The following CDH12 variants were observed in gnomAD, a reference collection of about 807,000 sequenced individuals.
CDH12 encodes the protein cadherin 12.
In CDH12, 41 loss-of-function variants were observed where a neutral mutation model predicts 74.1. The ratio of observed to expected loss-of-function variants is 0.55; its 90% CI spans 0.43 to 0.72. The LOEUF (loss-of-function observed/expected upper bound fraction) is 0.72. Ranked by LOEUF, CDH12 falls within the 30% of genes least tolerant of loss-of-function variation. The probability of loss-of-function intolerance (pLI) is 0.00; values close to 1 mark genes in which losing one functional copy is unlikely to be tolerated. For missense variants in CDH12, 945 were observed against 977.2 expected, an observed-to-expected ratio of 0.97 and a Z score of 0.44; for synonymous variants, 399 against 355.0, an observed-to-expected ratio of 1.12 and a Z score of -1.39.
At chr5:22,280,948 G>A (rs1437093091) in intron 3 of CDH12, among the ~76,000 whole-genome samples, 2 of 152,118 alleles carry the variant, frequency 1.3e-5, no homozygotes, top group African/African-American at 4.8e-5. Context: ...CAATATCCCT[G>A]TGGAATATCA....
chr5:22,063,085 C>G (rs1184537525), intron 5 of CDH12, among the ~76,000 whole-genome samples: 1 of 151,986 alleles, frequency 6.6e-6, no homozygotes, highest in Non-Finnish European at 1.5e-5. Flanking sequence ...TTGTTGGATC[C>G]AAATGGTCAT....
chr5:21,860,245 T>C (rs1169473615), intron 6 of CDH12, among the ~76,000 whole-genome samples: 1 of 152,064 alleles, frequency 6.6e-6, no homozygotes, highest in Non-Finnish European at 1.5e-5. Flanking sequence ...TGACACAAGA[T>C]TTATTGATTT....
chr5:22,467,580 G>A (rs890562107), intron 2 of CDH12, among the ~76,000 whole-genome samples: 73 of 152,158 alleles, frequency 4.8e-4, no homozygotes, highest in African/African-American at 1.7e-3. Flanking sequence ...AATGAGGGGA[G>A]GGACTTGGTC....
intron 4 of CDH12, among the ~76,000 whole-genome samples, chr5:22,080,280 A>C (rs1742633529): frequency 6.6e-6 from 1 of 152,206 alleles, no homozygotes; most frequent in Non-Finnish European, 1.5e-5. Flanking sequence ...AAAAACATTT[A>C]ATGAGTTCTT....
At chr5:22,839,430 C>T (rs1297249895) in intron 1 of CDH12, among the ~76,000 whole-genome samples, 1 of 149,076 alleles carries the variant, frequency 6.7e-6, no homozygotes, top group Non-Finnish European at 1.5e-5. Flanking sequence ...GCTATCTCGG[C>T]TCACTGCAAC....
intron 4 of CDH12, among the ~76,000 whole-genome samples, chr5:22,145,292 G>T (rs1041024016): frequency 1.3e-5 from 2 of 152,048 alleles, no homozygotes; most frequent in African/African-American, 4.8e-5. Context: ...ATCAAAGTCC[G>T]TACAGCTGCT....
intron 3 of CDH12, among the ~76,000 whole-genome samples, chr5:22,292,177 C>T (rs1174736823): frequency 1.3e-5 from 2 of 152,066 alleles, no homozygotes; most frequent in African/African-American, 2.4e-5. Flanking sequence ...ACCCTTATCT[C>T]ATACTGTATG....
intron 9 of CDH12, among the ~76,000 whole-genome samples, chr5:21,815,580 C>G (rs1747995343): frequency 6.6e-6 from 1 of 152,208 alleles, no homozygotes; most frequent in Non-Finnish European, 1.5e-5. Context: ...CTCTTTGGCT[C>G]TAATCCATAT....
chr5:22,297,117 G>C lies in CDH12; in HGVS notation c.-332-84474C>G, dbSNP rs566679297. Among the ~76,000 whole-genome samples, 85 of 152,084 alleles carry C rather than the reference G, an allele frequency of 5.6e-4. 2 individuals carry two copies. Among genetic ancestry groups the C allele is most frequent in the African/African-American group, 1.9e-3 (79 of 41,494 alleles). ...GCTCACTGCAATCTCCACTTCCCGG[G>C]TTCAAGCGATTCTCTTGCCTCAGCC... On this transcript the variant is annotated intron_variant, in intron 3 of 14. Transcript: ENST00000382254.
At chr5:22,624,858 C>T (rs1050974905) in intron 1 of CDH12, among the ~76,000 whole-genome samples, 5 of 152,166 alleles carry the variant, frequency 3.3e-5, no homozygotes, top group African/African-American at 7.2e-5. Context: ...GACACATGCA[C>T]ACGTATGTTT....
intron 3 of CDH12, among the ~76,000 whole-genome samples, chr5:22,245,197 T>C (rs574225763): frequency 1.3e-4 from 20 of 152,210 alleles, no homozygotes; most frequent in Non-Finnish European, 2.4e-4. Context: ...CGAAGGGGGA[T>C]GTGCTGTGGT....
intron 1 of CDH12, among the ~76,000 whole-genome samples, chr5:22,833,406 TTTAAAA>T (rs1736702133): frequency 6.6e-6 from 1 of 152,120 alleles, no homozygotes; most frequent in African/African-American, 2.4e-5. Context: ...ACCAAGAAGG[TTTAAAA>T]TGCAAACTAT....
At chr5:22,039,185 T>C (rs1739401135) in intron 5 of CDH12, among the ~76,000 whole-genome samples, 1 of 152,024 alleles carries the variant, frequency 6.6e-6, no homozygotes, top group African/African-American at 2.4e-5. Flanking sequence ...CCCTTGGATC[T>C]GAGTTGCCAC....
At chr5:22,811,865 A>G (rs1256757530) in intron 1 of CDH12, among the ~76,000 whole-genome samples, 1 of 152,142 alleles carries the variant, frequency 6.6e-6, no homozygotes. Context: ...GGAAAACTCC[A>G]TACCTATTGT....
At chr5:22,727,359 A>T in intron 1 of CDH12, among the ~76,000 whole-genome samples, 1 of 151,236 alleles carries the variant, frequency 6.6e-6, no homozygotes, top group South Asian at 2.1e-4. Flanking sequence ...AACCCTTTTT[A>T]CTCCTTCTAT....
At chr5:21,976,355 G>A (rs529515048) in intron 5 of CDH12, among the ~76,000 whole-genome samples, 283 of 152,076 alleles carry the variant, frequency 1.9e-3, no homozygotes, top group Middle Eastern at 6.9e-3. Context: ...GTGTAATGCC[G>A]TAAGGCAGTG....
chr5:22,196,718 C>T (rs905644836), intron 4 of CDH12, among the ~76,000 whole-genome samples: 6 of 152,128 alleles, frequency 3.9e-5, no homozygotes, highest in South Asian at 4.1e-4. Flanking sequence ...CTCAGGCACC[C>T]GGAGGGCTCT....
intron 11 of CDH12, among the ~76,000 whole-genome samples, chr5:21,778,844 G>A (rs574218550): frequency 1.9e-4 from 29 of 152,048 alleles, no homozygotes; most frequent in African/African-American, 7.0e-4. Flanking sequence ...TGAATTATAG[G>A]TACCAATCTT....
At chr5:22,580,331 C>G in intron 1 of CDH12, 1 of 443,610 alleles carries the variant, frequency 2.3e-6, no homozygotes, top group East Asian at 6.9e-5. Flanking sequence ...GGTGCTTGCA[C>G]AGCATCCATT....
Sources: allele counts gnomAD v4.1 joint callset (sites outside exome capture counted in the v4.1 genomes callset), GRCh38; gene constraint gnomAD v4.1.1; transcripts MANE v1.5; gene names NCBI Gene and HGNC (gene_info 2026-07-23, HGNC 2026-07-21).